CADM3: variants seen among roughly 807,000 people sequenced by gnomAD.
CADM3 encodes the protein cell adhesion molecule 3.
In CADM3, 11 loss-of-function variants were observed where a neutral mutation model predicts 44.9. The observed-to-expected ratio is 0.25, with a 90% CI of 0.15 to 0.41. The LOEUF (loss-of-function observed/expected upper bound fraction) is 0.41, where lower values mean the gene tolerates loss of function less well. Among genes scored for constraint, CADM3 ranks in the 10% least tolerant of loss-of-function variants. The pLI is 1.00. For synonymous variants in CADM3, 207 were observed against 205.2 expected (o/e 1.01, Z -0.08); for missense variants, 426 against 512.0 (o/e 0.83, Z 1.62).
intron 1 of CADM3, among the ~76,000 whole-genome samples, chr1:159,172,510 A>G (rs1434879789): frequency 6.6e-6 from 1 of 152,100 alleles, no homozygotes; most frequent in Non-Finnish European, 1.5e-5. Context: ...CAGGATGGCA[A>G]TATCCCTGGC....
At chr1:159,195,987 G>C (rs1649874476) in intron 5 of CADM3, 1 of 171,090 alleles carries the variant, frequency 5.8e-6, no homozygotes. Flanking sequence ...CTGAGAAGTT[G>C]TGAGCTCAAT....
At chr1:159,197,276 TC>T in intron 7 of CADM3, 1 of 492,766 alleles carries the variant, frequency 2.0e-6, no homozygotes, top group Non-Finnish European at 3.6e-6. Flanking sequence ...GGGTGGGCTC[TC>T]ATCTGCCTTT....
rs370579775 is a variant in CADM3 at position 159,189,834 on chromosome 1, C to T, written c.89-2102C>T. ...GCTCCACTCGACGAGGCCATCAGCTCCACAGTCTGGAGCAGCCCTGACATG... is the reference window on the plus strand; with the variant it reads ...GCTCCACTCGACGAGGCCATCAGCTTCACAGTCTGGAGCAGCCCTGACATG... On this transcript the variant is annotated intron_variant, in intron 1 of 8. Coordinates refer to ENST00000368125, the MANE Select transcript of CADM3 (RefSeq NM_001127173.3). 4.4e-6 allele frequency: 7 copies of T among 1,606,478 alleles called. No individual in the cohort carries two copies. The highest frequency in any genetic ancestry group is 3.4e-5 in the Admixed American group (2 of 59,430).
intron 8 of CADM3, among the ~76,000 whole-genome samples, chr1:159,200,330 C>T (rs1650111498): frequency 6.6e-6 from 1 of 152,134 alleles, no homozygotes; most frequent in African/African-American, 2.4e-5. Flanking sequence ...TTCTCTCTAC[C>T]CTCTTCTCAC....
chr1:159,173,583 T>A (rs1490970282), intron 1 of CADM3, among the ~76,000 whole-genome samples: 1 of 151,654 alleles, frequency 6.6e-6, no homozygotes, highest in Non-Finnish European at 1.5e-5. Flanking sequence ...CTGAAGGGAG[T>A]CCTTGGGGAG....
rs1263874214 is a variant in CADM3, at chr1:159,199,699, T to C, written c.953-52T>C. ...TATTCATGGCCAAGTTGGAATGCTA[T>C]AAGATAAGGGCTCTCCCCAGATCTG... is the stretch of plus-strand genomic sequence containing the variant. On this transcript the variant is annotated intron_variant, in intron 7 of 8. Transcript: ENST00000368125. 4.3e-6 allele frequency: 7 copies of C among 1,613,600 alleles called. No individual in the cohort carries two copies. In the Admixed American group the frequency reaches 1.2e-4, roughly 27 times the overall value.
chr1:159,182,408 C>T lies in CADM3; in HGVS notation c.89-9528C>T, dbSNP rs112538525. 3.3e-3 allele frequency among the ~76,000 whole-genome samples: 501 copies of T among 152,260 alleles called. 4 individuals carry two copies. The highest frequency in any genetic ancestry group is 3.4e-3 in the Middle Eastern group (1 of 294). On this transcript the variant is annotated intron_variant, in intron 1 of 8. Transcript: ENST00000368125. ...ATTTGACACTTAGTGTCAAATTAAC[C>T]ACTGAATTAGCCAGTCCACAAGGAC...
rs775563613 is a variant in CADM3, at chr1:159,196,484, T to C, written c.782+30T>C. ...GAAGATCCATTTCCTGGTCTCCTCC[T>C]TACTCTCCACATTCTCAGATTGCCT... On this transcript the variant is annotated intron_variant, in intron 6 of 8. Coordinates refer to ENST00000368125, the MANE Select transcript of CADM3 (RefSeq NM_001127173.3). 1.1e-5 allele frequency: 18 copies of C among 1,569,142 alleles called. 1 individual carries two copies. The Admixed American group carries it at 2.9e-4, about 25-fold the overall frequency.
chr1:159,200,167 T>A (rs1313819732), intron 8 of CADM3, among the ~76,000 whole-genome samples: 2 of 152,212 alleles, frequency 1.3e-5, no homozygotes, highest in African/African-American at 4.8e-5. Flanking sequence ...GGTCTCCTGC[T>A]GCAAGACAGA....
At chr1:159,177,753 T>A (rs1649081606) in intron 1 of CADM3, among the ~76,000 whole-genome samples, 1 of 152,196 alleles carries the variant, frequency 6.6e-6, no homozygotes, top group African/African-American at 2.4e-5. Flanking sequence ...AAAAAAGAAG[T>A]GCTAGAAGGT....
At chr1:159,197,372 C>A (rs958261768) in intron 7 of CADM3, 40 of 255,254 alleles carry the variant, frequency 1.6e-4, no homozygotes, top group African/African-American at 8.4e-4. Flanking sequence ...TGTGCAGAGG[C>A]CCCAAAGCCT....
rs894943609 is a variant in CADM3 at position 159,178,218 on chromosome 1, A to G, written c.88+6365A>G. 5.3e-5 allele frequency among the ~76,000 whole-genome samples: 8 copies of G among 152,354 alleles called. No homozygotes were observed. In the East Asian group the frequency reaches 1.5e-3, roughly 29 times the overall value. The stretch of plus-strand genomic sequence containing the variant: ...TTTCAATCTGCAATTGATTGAATCT[A>G]TGGAGGTGGAACCCATGTATATGCA... On this transcript the variant is annotated intron_variant, in intron 1 of 8. Coordinates refer to ENST00000368125, the MANE Select transcript of CADM3 (RefSeq NM_001127173.3).
chr1:159,201,051 C>T lies in CADM3; in HGVS notation c.*129C>T, dbSNP rs1650175641. 2 of 409,598 alleles carry T rather than the reference C, an allele frequency of 4.9e-6. No homozygotes were observed. Among genetic ancestry groups the T allele is most frequent in the Non-Finnish European group, 8.6e-6 (2 of 231,280 alleles). 25.4% of individuals were successfully genotyped at this position (409,598 alleles called of 1,614,324 possible). A position where few individuals can be genotyped will look rare whatever the true frequency, so the allele number is the denominator to read the frequency against. ...CTTGCTCCCCAGCCCACCCACCCCC[C>T]TGTACAGAATGTCTGCTTTGGGTGC... On this transcript the variant is annotated 3_prime_UTR_variant, in exon 9 of 9. Transcript: ENST00000368125.
chr1:159,171,821 GGGC>G lies in CADM3; in HGVS notation c.58_60del (p.Ala20del). ...CTGCTCCTGCTGTTCGCCTGCTGCT[GGGC>G]GCCCGGCGGGGCCAACCTCTCCCAG... On this transcript the variant is annotated inframe_deletion, in exon 1 of 9. Transcript: ENST00000368125. The G allele has an allele frequency of 8.0e-7, 1 of 1,246,664 alleles. No homozygotes were observed. Among genetic ancestry groups the G allele is most frequent in the East Asian group, 3.1e-5 (1 of 32,356 alleles). The allele number at this position is 1,246,664 out of a possible 1,614,324, so 77.2% of individuals were successfully genotyped here. A position where few individuals can be genotyped will look rare whatever the true frequency, so the allele number is the denominator to read the frequency against.
chr1:159,183,275 T>C lies in CADM3; in HGVS notation c.89-8661T>C, dbSNP rs369722608. The stretch of plus-strand genomic sequence containing the variant: ...CTAATACACATGTTAGGACTTCTTA[T>C]AGTGAAGATTCTGTTCTCCATTCCT... On this transcript the variant is annotated intron_variant, in intron 1 of 8. Coordinates refer to ENST00000368125, the MANE Select transcript of CADM3 (RefSeq NM_001127173.3). Among the ~76,000 whole-genome samples, 17 of 152,336 alleles carry C rather than the reference T, an allele frequency of 1.1e-4. No homozygotes were observed. The East Asian group carries it at 2.9e-3, about 26-fold the overall frequency.
intron 6 of CADM3, 78 bp from the exon 7 acceptor site, chr1:159,196,813 C>A: frequency 7.3e-7 from 1 of 1,373,774 alleles, no homozygotes; most frequent in Non-Finnish European, 1.0e-6. Context: ...GACATCCCTG[C>A]TCCCAGTTAT....
chr1:159,190,222 T>C (rs1247230083), intron 1 of CADM3, among the ~76,000 whole-genome samples: 1 of 152,172 alleles, frequency 6.6e-6, no homozygotes, highest in African/African-American at 2.4e-5. Context: ...TGGTCAAAAA[T>C]TGGCACGTGG....
intron 1 of CADM3, among the ~76,000 whole-genome samples, chr1:159,185,532 G>A (rs1452330911): frequency 6.6e-6 from 1 of 152,202 alleles, no homozygotes; most frequent in East Asian, 1.9e-4. Context: ...TACATCATAA[G>A]GACAAGTTTC....
chr1:159,188,652 G>T (rs1003051334), intron 1 of CADM3, among the ~76,000 whole-genome samples: 1 of 152,246 alleles, frequency 6.6e-6, no homozygotes, highest in Admixed American at 6.5e-5. Flanking sequence ...GCTACTTCGG[G>T]GCGCTGCGGC....
Sources: allele counts gnomAD v4.1 joint callset (sites outside exome capture counted in the v4.1 genomes callset), GRCh38; gene constraint gnomAD v4.1.1; transcripts MANE v1.5; gene names NCBI Gene and HGNC (gene_info 2026-07-23, HGNC 2026-07-21).